Variants in DVL1 observed in about 807,000 individuals in gnomAD.
The protein encoded by DVL1 is dishevelled segment polarity protein 1, also known as segment polarity protein dishevelled homolog DVL-1.
A neutral mutation model predicts 65.0 loss-of-function variants in DVL1; 49 were observed. The observed-to-expected ratio is 0.75, with a 90% CI of 0.60 to 0.96. DVL1 has a LOEUF of 0.96. Ranked by LOEUF, DVL1 falls within the 40% of genes least tolerant of loss-of-function variation. The probability of loss-of-function intolerance (pLI) is 0.00; values close to 1 mark genes in which losing one functional copy is unlikely to be tolerated. For missense variants in DVL1, 1,197 were observed against 1,045.4 expected (o/e 1.15, Z -2.00); for synonymous variants, 608 against 433.9 (o/e 1.40, Z -4.99).
rs372299764 is a variant in DVL1, at chr1:1,340,531, G to A, written c.606-28C>T. The A allele has an allele frequency of 4.4e-5, 69 of 1,576,038 alleles. No individual in the cohort carries two copies. The African/African-American group carries it at 4.8e-4, about 11-fold the overall frequency. On this transcript the variant is annotated intron_variant, in intron 5 of 14. Transcript: ENST00000378888. The stretch of plus-strand genomic sequence containing the variant: ...GGGAACAGACTGTCAGAGCTCAGAG[G>A]AGCTGGAGACATGGGTAGGGGGGTG...
At chr1:1,342,583 C>A in intron 2 of DVL1, 99 bp from the exon 3 acceptor site, 1 of 1,575,262 alleles carries the variant, frequency 6.3e-7, no homozygotes, top group Non-Finnish European at 8.6e-7. Flanking sequence ...GCCCTATCCG[C>A]ACCCAGCCTG....
intron 14 of DVL1, chr1:1,337,187 G>A (rs1301712220): frequency 1.4e-5 from 10 of 706,332 alleles, no homozygotes; most frequent in Non-Finnish European, 1.4e-5. Context: ...AGCGCCGGTC[G>A]AGGGTCAGTA....
rs1643660174 is a variant in DVL1 at position 1,338,288 on chromosome 1, G to A, written c.1488C>T (p.Val496=). Residue 496 remains valine, a synonymous_variant, in exon 13 of 15, where the codon GTC becomes GTT. Coordinates refer to ENST00000378888, the MANE Select transcript of DVL1 (RefSeq NM_001330311.2). ...KITFSEQCYY[V]FGDLCSNLAT... ...ACTCACTGCTGCAGAGATCCCCGAA[G>A]ACGTAGTAGCACTGCTCGGAGAAGG... The A allele has an allele frequency of 3.5e-6, 5 of 1,441,794 alleles. No individual in the cohort carries two copies. The highest frequency in any genetic ancestry group is 2.3e-5 in the South Asian group (2 of 88,636). 89.3% of individuals were successfully genotyped at this position (1,441,794 alleles called of 1,614,324 possible). A position where few individuals can be genotyped will look rare whatever the true frequency, so the allele number is the denominator to read the frequency against.
At chr1:1,344,912 G>A (rs1442647366) in intron 1 of DVL1, among the ~76,000 whole-genome samples, 5 of 152,084 alleles carry the variant, frequency 3.3e-5, no homozygotes, top group Admixed American at 3.3e-4. Context: ...GGCCTGGCCG[G>A]CAGCTTCTCC....
At chr1:1,338,229 T>TGGCCCCCCCCCCCCCCCCCAC in intron 13 of DVL1, 40 bp downstream of exon 13, 1 of 1,522,372 alleles carries the variant, frequency 6.6e-7, no homozygotes, top group South Asian at 1.2e-5. Context: ...CCTCCGGCGT[T>TGGCCCCCCCCCCCCCCCCCAC]CCCCTCCCCC....
At chr1:1,338,229 T>TGGCCCCCCCCCCCCCCCCCC in intron 13 of DVL1, 40 bp downstream of exon 13, 1 of 1,522,366 alleles carries the variant, frequency 6.6e-7, no homozygotes. Flanking sequence ...CCTCCGGCGT[T>TGGCCCCCCCCCCCCCCCCCC]CCCCTCCCCC....
Position 1,344,242 on chromosome 1 carries a change from T to C in DVL1, c.171-1484A>G, listed in dbSNP as rs1321976272. The stretch of plus-strand genomic sequence containing the variant: ...CCGGGACTTGGGCCCAGTGGAGAAA[T>C]AGGAGCCCGGAGACGGGGCTTGGCC... On this transcript the variant is annotated intron_variant, in intron 1 of 14. Transcript: ENST00000378888. 4.6e-5 allele frequency among the ~76,000 whole-genome samples: 7 copies of C among 152,084 alleles called. No individual in the cohort carries two copies. In the East Asian group the frequency reaches 9.7e-4, roughly 21 times the overall value.
chr1:1,349,169 T>C lies in DVL1; in HGVS notation c.-104A>G. 1 of 695,986 alleles carries C rather than the reference T, an allele frequency of 1.4e-6. No homozygotes were observed. The highest frequency in any genetic ancestry group is 7.3e-4 in the Middle Eastern group (1 of 1,374). 43.1% of individuals were successfully genotyped at this position (695,986 alleles called of 1,614,324 possible). A position where few individuals can be genotyped will look rare whatever the true frequency, so the allele number is the denominator to read the frequency against. On this transcript the variant is annotated 5_prime_UTR_variant, in exon 1 of 15. Transcript: ENST00000378888. This position sits in a 1 kb window ranked among gnomAD's most constrained non-coding sequence, Gnocchi z 4.1. Reference sequence around the variant, plus strand: ...CTGCGCCCCGCCCGGCCCGCACCGCTCTCGGCCCCGACGCTCCGAGGCCCC... The same window carrying C: ...CTGCGCCCCGCCCGGCCCGCACCGCCCTCGGCCCCGACGCTCCGAGGCCCC...
At chr1:1,345,821 C>T (rs1364869840) in intron 1 of DVL1, among the ~76,000 whole-genome samples, 1 of 152,160 alleles carries the variant, frequency 6.6e-6, no homozygotes, top group African/African-American at 2.4e-5. Context: ...GGTGCAGAGC[C>T]ATCCTGTGCC....
At chr1:1,337,127 C>T (rs941466956) in intron 14 of DVL1, 5 of 986,216 alleles carry the variant, frequency 5.1e-6, no homozygotes, top group Admixed American at 6.0e-5. Context: ...AGCACCCACC[C>T]GCCACCAGTG....
intron 5 of DVL1, among the ~76,000 whole-genome samples, chr1:1,341,301 T>C (rs374604698): frequency 2.0e-5 from 3 of 151,446 alleles, no homozygotes; most frequent in African/African-American, 7.3e-5. Context: ...CACACACACA[T>C]ACATGCACAC....
intron 3 of DVL1, 25 bp from the exon 4 acceptor site, chr1:1,342,181 G>A: frequency 6.5e-7 from 1 of 1,538,418 alleles, no homozygotes. Context: ...CAGGGTGGGT[G>A]GGGAGGCCGT....
At chr1:1,341,849 A>C in intron 4 of DVL1, 44 bp from the exon 5 acceptor site, 1 of 1,529,966 alleles carries the variant, frequency 6.5e-7, no homozygotes, top group Non-Finnish European at 8.9e-7. Flanking sequence ...GGTCTCCCAG[A>C]GGTCATGGGT....
intron 1 of DVL1, among the ~76,000 whole-genome samples, chr1:1,343,205 C>A (rs928850064): frequency 1.3e-5 from 2 of 151,900 alleles, no homozygotes; most frequent in Non-Finnish European, 2.9e-5. Context: ...TATGTGGTGG[C>A]CCCAGACGCT....
chr1:1,341,968 A>G, intron 4 of DVL1, 85 bp downstream of exon 4: 3 of 1,456,762 alleles, frequency 2.1e-6, no homozygotes, highest in South Asian at 2.6e-5. Flanking sequence ...TGGCTGGGGG[A>G]CAGGAACTGC....
At chr1:1,341,563 C>T in intron 5 of DVL1, 104 bp downstream of exon 5, 1 of 1,404,606 alleles carries the variant, frequency 7.1e-7, no homozygotes. Flanking sequence ...CACACACGCA[C>T]ACACGTGCAA....
intron 12 of DVL1, 34 bp from the exon 13 acceptor site, chr1:1,338,470 A>C (rs1452705104): frequency 2.5e-6 from 4 of 1,608,602 alleles, no homozygotes; most frequent in Non-Finnish European, 3.4e-6. Flanking sequence ...CGCAGCCTCG[A>C]GGCAAGCAGC....
At chr1:1,348,254 A>C (rs1643950060) in intron 1 of DVL1, among the ~76,000 whole-genome samples, 1 of 152,090 alleles carries the variant, frequency 6.6e-6, no homozygotes, top group Non-Finnish European at 1.5e-5. Flanking sequence ...GGAGACGCTG[A>C]CCCAGGCTGC....
rs1033578505 is a variant in DVL1 at position 1,338,109 on chromosome 1, G to C, written c.1582C>G (p.Pro528Ala). The change falls in exon 14 of 15, where the codon CCG becomes GCG. Residue 528 changes from proline (P) to alanine (A), a missense_variant. Pro to Ala is a conservative substitution (Grantham distance 27). Coordinates refer to ENST00000378888, the MANE Select transcript of DVL1 (RefSeq NM_001330311.2). The stretch of plus-strand genomic sequence containing the variant: ...TGACCCAGAGGCCAGGGGGCAGCCG[G>C]GTGGGGCAGCGGGGCCAGCGTGTCC... ...DQDTLAPLPHPAAPWPLGQGY... is the reference protein window; with the variant it reads ...DQDTLAPLPHAAAPWPLGQGY... The C allele has an allele frequency of 2.5e-6, 4 of 1,609,974 alleles. No individual in the cohort carries two copies. The highest frequency in any genetic ancestry group is 3.4e-6 in the Non-Finnish European group (4 of 1,178,814).
Sources: allele counts gnomAD v4.1 joint callset (sites outside exome capture counted in the v4.1 genomes callset), GRCh38; gene constraint gnomAD v4.1.1; non-coding constraint Gnocchi (gnomAD v3.1); transcripts MANE v1.5; gene names NCBI Gene and HGNC (gene_info 2026-07-23, HGNC 2026-07-21).